DNAJC14: variants seen among roughly 807,000 people sequenced by gnomAD.
DNAJC14 encodes DnaJ heat shock protein family (Hsp40) member C14, also known as dnaJ homolog subfamily C member 14.
DNAJC14 carries 12 observed loss-of-function variants against 68.8 expected under a neutral mutation model. The ratio of observed to expected loss-of-function variants is 0.17; its 90% CI spans 0.11 to 0.28. The LOEUF (loss-of-function observed/expected upper bound fraction) is 0.28. DNAJC14 is among the 10% of genes least tolerant of loss of function. DNAJC14 has a pLI of 1.00. For synonymous variants in DNAJC14, 350 were observed against 321.5 expected (o/e 1.09, Z -0.95); for missense variants, 764 against 875.6 (o/e 0.87, Z 1.61).
intron 4 of DNAJC14, 149 bp downstream of exon 4, chr12:55,822,921 G>A: frequency 6.9e-7 from 1 of 1,441,180 alleles, no homozygotes; most frequent in Non-Finnish European, 9.3e-7. Flanking sequence ...TCAGTCTATT[G>A]ACAATATGAC....
chr12:55,824,559 A>G (rs1033773252), intron 2 of DNAJC14, among the ~76,000 whole-genome samples: 2 of 152,186 alleles, frequency 1.3e-5, no homozygotes, highest in Admixed American at 6.5e-5. Flanking sequence ...CCTTTTAGTC[A>G]TGTTCACACT....
rs752033341 is a variant in DNAJC14, at chr12:55,822,008, C to T, written c.2078G>A (p.Arg693Gln). The change falls in exon 7 of 7, where the codon CGG becomes CAG. Residue 693 changes from arginine (R) to glutamine (Q), a missense_variant. By Grantham distance (43) the Arg-to-Gln change is conservative (BLOSUM62 1). Transcript: ENST00000678005. Reference protein sequence around the residue: ...VPKGEAKPKRRKKVRRPFQR With the variant: ...VPKGEAKPKRQKKVRRPFQR ...TTGGAAGGGCCTCCTCACTTTCTTC[C>T]GCCGCTTAGGTTTGGCTTCTCCCTT... 6.2e-6 allele frequency: 10 copies of T among 1,612,858 alleles called. No homozygotes were observed. Among genetic ancestry groups the T allele is most frequent in the East Asian group, 4.5e-5 (2 of 44,856 alleles).
At chr12:55,829,000 G>C (rs928847072) in intron 1 of DNAJC14, 12 of 711,752 alleles carry the variant, frequency 1.7e-5, no homozygotes, top group South Asian at 1.1e-4. Context: ...GGGGAGGGTG[G>C]GTCACTCTTA....
At chr12:55,829,347 A>G in intron 1 of DNAJC14, 142 bp downstream of exon 1, 1 of 952,112 alleles carries the variant, frequency 1.1e-6, no homozygotes, top group Middle Eastern at 5.4e-4. Flanking sequence ...CGGGAGGCTG[A>G]GGCAGAAGAA....
In DNAJC14 at chr12:55,827,789, C is replaced by G; in HGVS notation, c.870G>C (p.Trp290Cys). 1 of 1,613,940 alleles carries G rather than the reference C, an allele frequency of 6.2e-7. No homozygotes were observed. The highest frequency in any genetic ancestry group is 1.1e-5 in the South Asian group (1 of 91,038). The change falls in exon 2 of 7, where the codon TGG becomes TGC. Residue 290 changes from tryptophan to cysteine, a missense_variant. By Grantham distance (215) the Trp-to-Cys change is radical (BLOSUM62 -2). Transcript: ENST00000678005. ...CTAACCGCCCTGTCCACACTCCCATCCAAACTCGAAAAAGGTCCAAATCAC... is the reference window on the plus strand; with the variant it reads ...CTAACCGCCCTGTCCACACTCCCATGCAAACTCGAAAAAGGTCCAAATCAC... ...KSSDLDLFRV[W>C]MGVWTGRLGG...
upstream of DNAJC14, chr12:55,829,679 G>C: frequency 1.1e-6 from 1 of 924,352 alleles, no homozygotes; most frequent in Non-Finnish European, 1.3e-6. Flanking sequence ...AAAAGAAATA[G>C]CGGTTGGCTG....
chr12:55,823,335 C>G (rs1363411419), intron 3 of DNAJC14, 67 bp downstream of exon 3: 2 of 1,599,538 alleles, frequency 1.3e-6, no homozygotes, highest in East Asian at 2.2e-5. Flanking sequence ...ACCCCCAAGT[C>G]CAGATGCCTC....
intron 2 of DNAJC14, 75 bp from the exon 3 acceptor site, chr12:55,823,583 G>A: frequency 7.5e-7 from 1 of 1,327,908 alleles, no homozygotes; most frequent in Non-Finnish European, 1.1e-6. Context: ...TCATATCAAA[G>A]GGTTCTCTTT....
Position 55,827,482 on chromosome 12 carries a change from T to C in DNAJC14, c.1177A>G (p.Ile393Val). 1.2e-6 allele frequency: 2 copies of C among 1,603,938 alleles called. No individual in the cohort carries two copies. The highest frequency in any genetic ancestry group is 1.7e-6 in the Non-Finnish European group (2 of 1,171,696). Residue 393 changes from isoleucine to valine, a missense_variant, in exon 2 of 7, where the codon ATA becomes GTA. Ile to Val is a conservative substitution (Grantham distance 29, BLOSUM62 3). Transcript: ENST00000678005. ...DSRPWQRLVR[I>V]VQWGWLELPW... ...AACTCCAGCCAGCCCCACTGAACTA[T>C]TCTTACCAGCCGCTGCCATGGCCTG...
chr12:55,822,229 C>A, intron 6 of DNAJC14, 42 bp from the exon 7 acceptor site: 1 of 1,540,920 alleles, frequency 6.5e-7, no homozygotes, highest in South Asian at 1.3e-5. Flanking sequence ...ATGTTAGAGT[C>A]ATATGGTTAC....
upstream of DNAJC14, chr12:55,830,241 G>T (rs1045158653): frequency 2.6e-5 from 4 of 152,308 alleles, no homozygotes; most frequent in Non-Finnish European, 1.5e-5. Context: ...GGAACTGGGA[G>T]CGTAACTTGG....
intron 1 of DNAJC14, chr12:55,829,272 C>T: frequency 1.2e-6 from 1 of 862,978 alleles, no homozygotes; most frequent in Non-Finnish European, 1.4e-6. Flanking sequence ...TGGTGAAACT[C>T]CGTCTCTACT....
rs757109527 is a variant in DNAJC14 at position 55,827,300 on chromosome 12, T to C, written c.1359A>G (p.Thr453=). 1.8e-5 allele frequency: 29 copies of C among 1,587,408 alleles called. No homozygotes were observed. The East Asian group carries it at 2.2e-4, about 12-fold the overall frequency. The change falls in exon 2 of 7, where the codon ACA becomes ACG. Residue 453 remains threonine, a synonymous_variant. Transcript: ENST00000678005. ...CCTTCTTCAGTTCAACATCTGATGC[T>C]GTGGCCTCAACCCCCAGTACATGGA... ...NPFHVLGVEA[T]ASDVELKKAY...
chr12:55,829,665 A>C, upstream of DNAJC14: 2 of 952,880 alleles, frequency 2.1e-6, no homozygotes, highest in South Asian at 9.7e-5. Flanking sequence ...AAGAGACGGG[A>C]AGGAAAAGAA....
intron 2 of DNAJC14, among the ~76,000 whole-genome samples, chr12:55,826,495 A>T (rs894827841): frequency 1.3e-5 from 2 of 151,022 alleles, no homozygotes; most frequent in African/African-American, 4.9e-5. Context: ...AGTCTTTATG[A>T]CTCTTTCCTA....
In DNAJC14 at chr12:55,827,050, G is replaced by C. The variant is rs548327339; in HGVS notation, c.1407+202C>G. Among the ~76,000 whole-genome samples the C allele has an allele frequency of 4.0e-5, 6 of 151,850 alleles. No homozygotes were observed. The South Asian group carries it at 1.3e-3, about 32-fold the overall frequency. The stretch of plus-strand genomic sequence containing the variant: ...TAAAAATACAAAAAAAATTAGCCGG[G>C]CATGGTGGCGCGCACCTGTAATCCC... On this transcript the variant is annotated intron_variant, in intron 2 of 6. Transcript: ENST00000678005.
In DNAJC14 at chr12:55,821,083, A is replaced by G. The variant is rs916047702; in HGVS notation, c.*894T>C. 6.6e-6 allele frequency: 1 copy of G among 152,668 alleles called. No homozygotes were observed. Among genetic ancestry groups the G allele is most frequent in the African/African-American group, 2.4e-5 (1 of 41,464 alleles). The allele number at this position is 152,668 out of a possible 1,614,324, so 9.5% of individuals were successfully genotyped here. On this transcript the variant is annotated 3_prime_UTR_variant, in exon 7 of 7. Coordinates refer to ENST00000678005, the MANE Select transcript of DNAJC14 (RefSeq NM_032364.6). ...TTAAAAAAAAAATACAAACCCTTGG[A>G]TCACATGGGGGCTTCTGGGAACCCC... is the stretch of plus-strand genomic sequence containing the variant.
rs1880911252 is a variant in DNAJC14, at chr12:55,829,510, C to T, written c.-78G>A. The T allele has an allele frequency of 2.0e-6, 2 of 985,196 alleles. No homozygotes were observed. Among genetic ancestry groups the T allele is most frequent in the Non-Finnish European group, 2.4e-6 (2 of 829,906 alleles). 61.0% of individuals were successfully genotyped at this position (985,196 alleles called of 1,614,324 possible). A position where few individuals can be genotyped will look rare whatever the true frequency, so the allele number is the denominator to read the frequency against. On this transcript the variant is annotated 5_prime_UTR_variant, in exon 1 of 7. Coordinates refer to ENST00000678005, the MANE Select transcript of DNAJC14 (RefSeq NM_032364.6). ...GTACCGAAGAACGGCGGTAACTCCT[C>T]CCCCTCGAGCCGCCCGGCCTGGGGC...
rs759801030 is a variant in DNAJC14, at chr12:55,828,288, G to A, written c.371C>T (p.Ser124Phe). Residue 124 changes from serine (S) to phenylalanine (F), a missense_variant, in exon 2 of 7, where the codon TCC becomes TTC. Physicochemically the swap from Ser to Phe is radical, Grantham distance 155 (BLOSUM62 -2). Around this residue, in one of 4 missense-constraint regions of DNAJC14, gnomAD observed 514 missense variants for 521.7 expected, o/e 0.99. Coordinates refer to ENST00000678005, the MANE Select transcript of DNAJC14 (RefSeq NM_032364.6). Reference protein sequence around the residue: ...GNQKDGNSFLSIPSACNCQGT... With the variant: ...GNQKDGNSFLFIPSACNCQGT... ...CTGGCAGTTGCAAGCAGATGGAATG[G>A]AAAGAAAAGAGTTCCCATCCTTCTG... 6 of 1,609,712 alleles carry A rather than the reference G, an allele frequency of 3.7e-6. No homozygotes were observed. The South Asian group carries it at 5.5e-5, about 15-fold the overall frequency.
Sources: allele counts gnomAD v4.1 joint callset (sites outside exome capture counted in the v4.1 genomes callset), GRCh38; gene constraint gnomAD v4.1.1; regional missense constraint gnomAD v4.1.1; transcripts MANE v1.5; gene names NCBI Gene and HGNC (gene_info 2026-07-23, HGNC 2026-07-21).